Variants in BMERB1 observed in about 807,000 individuals in gnomAD.
BMERB1 encodes the protein bMERB domain-containing protein 1.
In BMERB1, 12 loss-of-function variants were observed where a neutral mutation model predicts 23.6. The ratio of observed to expected loss-of-function variants is 0.51; its 90% CI spans 0.33 to 0.82. The LOEUF (loss-of-function observed/expected upper bound fraction) is 0.82. Ranked by LOEUF, BMERB1 falls within the 40% of genes least tolerant of loss-of-function variation. The probability of loss-of-function intolerance (pLI) is 0.03; values close to 1 mark genes in which losing one functional copy is unlikely to be tolerated. For synonymous variants in BMERB1, 122 were observed against 96.6 expected (o/e 1.26, Z -1.54); for missense variants, 247 against 255.4 (o/e 0.97, Z 0.22).
intron 1 of BMERB1, among the ~76,000 whole-genome samples, chr16:15,436,550 C>A (rs1251952655): frequency 6.6e-6 from 1 of 152,152 alleles, no homozygotes; most frequent in Non-Finnish European, 1.5e-5. Flanking sequence ...TGAGGCACCC[C>A]ACCTGCCCTC....
At position 15,519,309 on chromosome 16, in the gene BMERB1, C is replaced by G. The variant is rs546286235; in HGVS notation, c.230+3881C>G. On this transcript the variant is annotated intron_variant, in intron 2 of 5. Transcript: ENST00000300006. ...AAGTAATCACCTTAATGCCCATCAG[C>G]TGCTGCAGAGACCATGTGAGTCAGC... is the stretch of plus-strand genomic sequence containing the variant. Among the ~76,000 whole-genome samples the G allele has an allele frequency of 3.3e-5, 5 of 152,312 alleles. No individual in the cohort carries two copies. In the South Asian group the frequency reaches 1.0e-3, roughly 32 times the overall value.
intron 3 of BMERB1, among the ~76,000 whole-genome samples, chr16:15,573,694 G>T (rs959779563): frequency 3.3e-5 from 5 of 152,204 alleles, no homozygotes; most frequent in Non-Finnish European, 7.3e-5. Context: ...GCCTCCAGCT[G>T]CATGATTCCT....
intron 1 of BMERB1, among the ~76,000 whole-genome samples, chr16:15,494,318 A>G (rs904134570): frequency 6.6e-6 from 1 of 152,144 alleles, no homozygotes; most frequent in Non-Finnish European, 1.5e-5. Flanking sequence ...TATGGTCCCA[A>G]AGGGCCTTAG....
At chr16:15,531,028 C>T (rs2051962428) in intron 2 of BMERB1, among the ~76,000 whole-genome samples, 1 of 151,886 alleles carries the variant, frequency 6.6e-6, no homozygotes, top group Non-Finnish European at 1.5e-5. Context: ...CCTCAGCCTC[C>T]CAAGTAACTG....
chr16:15,556,824 T>TC (rs1278740428), intron 2 of BMERB1, among the ~76,000 whole-genome samples: 1 of 152,178 alleles, frequency 6.6e-6, no homozygotes, highest in Non-Finnish European at 1.5e-5. Flanking sequence ...GACCTCGTGA[T>TC]CCGCCCTCCT....
In BMERB1 at chr16:15,484,284, A is replaced by G. The variant is rs554285541; in HGVS notation, c.107-31021A>G. 1.1e-4 allele frequency among the ~76,000 whole-genome samples: 16 copies of G among 152,316 alleles called. No homozygotes were observed. The South Asian group carries it at 3.3e-3, about 32-fold the overall frequency. ...CATCAAAAGGGCTTAGCACCTTGTT[A>G]TTAGGCCTAGAAAGCATCTCCCCCT... is the stretch of plus-strand genomic sequence containing the variant. On this transcript the variant is annotated intron_variant, in intron 1 of 5. Coordinates refer to ENST00000300006, the MANE Select transcript of BMERB1 (RefSeq NM_033201.3).
intron 1 of BMERB1, among the ~76,000 whole-genome samples, chr16:15,463,269 A>ATATATATTTTTTTTTTTTTTTTTTTTT (rs1180090455): frequency 2.0e-5 from 3 of 148,526 alleles, no homozygotes; most frequent in African/African-American, 7.9e-5. Context: ...ATATATATAT[A>ATATATATTTTTTTTTTTTTTTTTTTTT]TTTTGTAGAG....
chr16:15,437,635 C>T (rs1170590170), intron 1 of BMERB1, among the ~76,000 whole-genome samples: 1 of 152,130 alleles, frequency 6.6e-6, no homozygotes, highest in African/African-American at 2.4e-5. Context: ...AATTTTTGTA[C>T]TTCTGGGTCC....
intron 1 of BMERB1, among the ~76,000 whole-genome samples, chr16:15,473,320 T>A: frequency 6.8e-6 from 1 of 148,016 alleles, no homozygotes; most frequent in Non-Finnish European, 1.5e-5. Flanking sequence ...AGCTTTGCTC[T>A]TGTTGCCCAG....
intron 2 of BMERB1, among the ~76,000 whole-genome samples, chr16:15,565,223 C>T (rs967556160): frequency 2.8e-4 from 43 of 152,092 alleles, no homozygotes; most frequent in African/African-American, 9.9e-4. Context: ...ACTCAGACTC[C>T]GAAGGGTCGA....
intron 1 of BMERB1, among the ~76,000 whole-genome samples, chr16:15,448,832 C>T (rs1026408096): frequency 6.6e-6 from 1 of 151,990 alleles, no homozygotes; most frequent in African/African-American, 2.4e-5. Context: ...CTGATGCTGC[C>T]GTGAGATTAG....
At chr16:15,474,629 C>T (rs1420692319) in intron 1 of BMERB1, among the ~76,000 whole-genome samples, 1 of 152,152 alleles carries the variant, frequency 6.6e-6, no homozygotes, top group East Asian at 1.9e-4. Flanking sequence ...TTCCTCCTGC[C>T]TCAGCCTCCT....
intron 1 of BMERB1, among the ~76,000 whole-genome samples, chr16:15,449,103 G>C (rs374207562): frequency 6.6e-6 from 1 of 152,184 alleles, no homozygotes; most frequent in South Asian, 2.1e-4. Context: ...TAACTGGTCC[G>C]TTTAGCACTA....
intron 2 of BMERB1, among the ~76,000 whole-genome samples, chr16:15,551,316 T>C (rs2052643993): frequency 6.6e-6 from 1 of 152,162 alleles, no homozygotes; most frequent in South Asian, 2.1e-4. Flanking sequence ...CTGCAATGTA[T>C]CAGGGACGGG....
intron 2 of BMERB1, among the ~76,000 whole-genome samples, chr16:15,543,862 T>C (rs1299671968): frequency 1.3e-5 from 2 of 152,164 alleles, no homozygotes; most frequent in Non-Finnish European, 2.9e-5. Context: ...AATATGTTCC[T>C]AAGAAGCCAC....
At chr16:15,459,108 A>G (rs1396883734) in intron 1 of BMERB1, among the ~76,000 whole-genome samples, 1 of 152,146 alleles carries the variant, frequency 6.6e-6, no homozygotes, top group Non-Finnish European at 1.5e-5. Context: ...ACTCTGTCTC[A>G]AGAAACAAAC....
chr16:15,505,157 G>A (rs1195713564), intron 1 of BMERB1, among the ~76,000 whole-genome samples: 1 of 152,138 alleles, frequency 6.6e-6, no homozygotes, highest in Non-Finnish European at 1.5e-5. Flanking sequence ...ATCCAACACA[G>A]GTATGAGGCT....
chr16:15,576,087 G>A (rs1486275409), intron 3 of BMERB1, among the ~76,000 whole-genome samples: 3 of 147,604 alleles, frequency 2.0e-5, no homozygotes, highest in East Asian at 4.0e-4. Flanking sequence ...CACCCAGGCT[G>A]GAGTGCAGTG....
At chr16:15,438,025 C>A (rs1038882524) in intron 1 of BMERB1, among the ~76,000 whole-genome samples, 15 of 152,012 alleles carry the variant, frequency 9.9e-5, no homozygotes, top group Admixed American at 6.6e-4. Flanking sequence ...CTCAGTCTTG[C>A]TTCCTAGTCA....
Sources: gnomAD v4.1 joint callset for allele counts (sites outside exome capture counted in the v4.1 genomes callset) on GRCh38, gnomAD v4.1.1 for gene constraint, MANE v1.5 for transcripts, NCBI Gene and HGNC (gene_info 2026-07-23, HGNC 2026-07-21) for gene names.